Variants in SORCS1 observed in about 807,000 individuals in gnomAD.
SORCS1 encodes VPS10 domain-containing receptor SorCS1.
A neutral mutation model predicts 146.1 loss-of-function variants in SORCS1; 60 were observed. That is an observed-to-expected ratio of 0.41 (90% CI 0.33 to 0.51). The LOEUF is 0.51. Ranked by LOEUF, SORCS1 falls within the 20% of genes least tolerant of loss-of-function variation. SORCS1 has a pLI of 0.21. For missense variants in SORCS1, 1,352 were observed against 1,487.6 expected (o/e 0.91, Z 1.50); for synonymous variants, 637 against 584.0 (o/e 1.09, Z -1.31).
intron 3 of SORCS1, among the ~76,000 whole-genome samples, chr10:106,782,527 A>G (rs1202432616): frequency 6.6e-6 from 1 of 152,234 alleles, no homozygotes; most frequent in African/African-American, 2.4e-5. Flanking sequence ...AACAATAATG[A>G]GGAGTCATTC....
intron 1 of SORCS1, among the ~76,000 whole-genome samples, chr10:107,073,888 T>A (rs1397154046): frequency 6.6e-6 from 1 of 151,944 alleles, no homozygotes; most frequent in Non-Finnish European, 1.5e-5. Flanking sequence ...TTTTTTAACA[T>A]AGAATTTATT....
chr10:106,721,352 GC>G (rs1855766932), intron 6 of SORCS1, among the ~76,000 whole-genome samples: 1 of 152,132 alleles, frequency 6.6e-6, no homozygotes, highest in South Asian at 2.1e-4. Flanking sequence ...TGGAACTTTG[GC>G]CAAAGTGGGG....
intron 3 of SORCS1, among the ~76,000 whole-genome samples, chr10:106,821,033 A>C (rs531685017): frequency 6.6e-6 from 1 of 152,362 alleles, no homozygotes; most frequent in South Asian, 2.1e-4. Flanking sequence ...TTAGACAGAT[A>C]ACTTTAAAAA....
chr10:106,841,126 T>C (rs973419633), intron 2 of SORCS1, among the ~76,000 whole-genome samples: 7 of 151,872 alleles, frequency 4.6e-5, no homozygotes, highest in African/African-American at 1.7e-4. Context: ...AGTGTTGGGA[T>C]TACAGGCATG....
intron 1 of SORCS1, among the ~76,000 whole-genome samples, chr10:107,135,444 G>GA (rs766576788): frequency 6.6e-6 from 1 of 152,068 alleles, no homozygotes; most frequent in Non-Finnish European, 1.5e-5. Flanking sequence ...CCTCAACAAA[G>GA]AAAAAATATA....
rs139227711 is a variant in SORCS1, at chr10:106,698,399, C to T, written c.1413+815G>A. Among the ~76,000 whole-genome samples the T allele has an allele frequency of 4.6e-5, 7 of 152,292 alleles. No homozygotes were observed. The East Asian group carries it at 1.2e-3, about 25-fold the overall frequency. On this transcript the variant is annotated intron_variant, in intron 9 of 25. Transcript: ENST00000263054. ...CAGCTAGAATATAGGTATATTGTTACACTTCCCAAATTCTGACTGTTTTCA... is the reference window on the plus strand; with the variant it reads ...CAGCTAGAATATAGGTATATTGTTATACTTCCCAAATTCTGACTGTTTTCA...
intron 1 of SORCS1, among the ~76,000 whole-genome samples, chr10:107,161,067 A>G (rs962170444): frequency 6.6e-6 from 1 of 152,178 alleles, no homozygotes; most frequent in Non-Finnish European, 1.5e-5. Context: ...ACTGCAGTAC[A>G]GAGGAATCAC....
At chr10:107,105,829 T>A (rs182040678) in intron 1 of SORCS1, among the ~76,000 whole-genome samples, 105 of 152,304 alleles carry the variant, frequency 6.9e-4, no homozygotes, top group African/African-American at 2.4e-3. Flanking sequence ...TCATCTTTCA[T>A]TCCCATCAAG....
intron 2 of SORCS1, among the ~76,000 whole-genome samples, chr10:106,882,998 G>A (rs910580864): frequency 3.3e-5 from 5 of 152,012 alleles, no homozygotes; most frequent in African/African-American, 7.3e-5. Flanking sequence ...ATAACATTTC[G>A]ACTACAAAAG....
intron 9 of SORCS1, among the ~76,000 whole-genome samples, chr10:106,689,131 T>C (rs934804428): frequency 6.6e-6 from 1 of 152,244 alleles, no homozygotes; most frequent in Non-Finnish European, 1.5e-5. Context: ...CCTAAACAGA[T>C]GCTATTAATT....
intron 2 of SORCS1, among the ~76,000 whole-genome samples, chr10:106,830,840 G>A (rs1056704778): frequency 1.3e-5 from 2 of 149,346 alleles, no homozygotes; most frequent in Non-Finnish European, 3.0e-5. Flanking sequence ...AGACTGTAGT[G>A]AGCCGAGATC....
chr10:106,887,400 T>C (rs988868412), intron 2 of SORCS1, among the ~76,000 whole-genome samples: 5 of 152,132 alleles, frequency 3.3e-5, no homozygotes, highest in Admixed American at 2.6e-4. Flanking sequence ...TTTAGATGGA[T>C]TAGAGAGTTA....
rs1265140791 is a variant in SORCS1, at chr10:106,926,890, G to GAC, written c.626+29622_626+29623insGT. ...ACAGAGAGAGAGAGAGAGAGAGAGA[G>GAC]AGAGAGAGAATGACAAATGTCTATG... On this transcript the variant is annotated intron_variant, in intron 2 of 25. Coordinates refer to ENST00000263054, the MANE Select transcript of SORCS1 (RefSeq NM_052918.5). 9.3e-4 allele frequency among the ~76,000 whole-genome samples: 141 copies of GAC among 151,086 alleles called. 1 individual carries two copies. Among genetic ancestry groups the GAC allele is most frequent in the African/African-American group, 3.2e-3 (130 of 40,790 alleles).
intron 1 of SORCS1, among the ~76,000 whole-genome samples, chr10:107,028,577 T>C (rs1303241372): frequency 1.3e-5 from 2 of 152,240 alleles, no homozygotes; most frequent in African/African-American, 4.8e-5. Context: ...ATCATTTTAA[T>C]CAATCGGTTC....
At chr10:106,837,382 T>G (rs193245777) in intron 2 of SORCS1, among the ~76,000 whole-genome samples, 1 of 152,174 alleles carries the variant, frequency 6.6e-6, no homozygotes, top group Non-Finnish European at 1.5e-5. Flanking sequence ...CAACCCCCTA[T>G]GTTAAAGATA....
At chr10:107,012,821 T>A (rs1173113979) in intron 1 of SORCS1, among the ~76,000 whole-genome samples, 1 of 152,224 alleles carries the variant, frequency 6.6e-6, no homozygotes, top group East Asian at 1.9e-4. Flanking sequence ...CTTTTATTTA[T>A]AACATTGTGC....
At chr10:106,687,487 A>C (rs946171017) in intron 10 of SORCS1, among the ~76,000 whole-genome samples, 2 of 152,174 alleles carry the variant, frequency 1.3e-5, no homozygotes, top group Admixed American at 1.3e-4. Context: ...TTTGTTCACC[A>C]AACAAAGTCT....
intron 2 of SORCS1, among the ~76,000 whole-genome samples, chr10:106,904,230 G>C (rs1951826799): frequency 6.6e-6 from 1 of 152,182 alleles, no homozygotes. Context: ...AAATTTAGCA[G>C]ATTTATACCA....
At chr10:106,991,487 C>T (rs1564897810) in intron 1 of SORCS1, among the ~76,000 whole-genome samples, 1 of 152,198 alleles carries the variant, frequency 6.6e-6, no homozygotes, top group African/African-American at 2.4e-5. Context: ...GCAATTCTTA[C>T]TTGAAAACTG....
Sources: gnomAD v4.1 joint callset for allele counts (sites outside exome capture counted in the v4.1 genomes callset) on GRCh38, gnomAD v4.1.1 for gene constraint, MANE v1.5 for transcripts, NCBI Gene and HGNC (gene_info 2026-07-23, HGNC 2026-07-21) for gene names.